Variants in IGF2BP1 observed in about 807,000 individuals in gnomAD.
IGF2BP1 encodes insulin-like growth factor 2 mRNA-binding protein 1.
In IGF2BP1, 11 loss-of-function variants were observed where a neutral mutation model predicts 74.9. The observed-to-expected ratio is 0.15, with a 90% CI of 0.09 to 0.24. IGF2BP1 has a LOEUF of 0.24. Among genes scored for constraint, IGF2BP1 ranks in the 10% least tolerant of loss-of-function variants. The pLI is 1.00. For missense variants in IGF2BP1, 440 were observed against 757.4 expected (o/e 0.58, Z 4.92); for synonymous variants, 287 against 281.8 (o/e 1.02, Z -0.18).
intron 2 of IGF2BP1, among the ~76,000 whole-genome samples, chr17:49,018,653 G>C (rs943627080): frequency 5.4e-5 from 8 of 148,004 alleles, no homozygotes; most frequent in African/African-American, 2.0e-4. Flanking sequence ...AATAGGAACT[G>C]TTTCAAAAAA....
Position 49,045,943 on chromosome 17 carries a change from G to C in IGF2BP1, c.1449G>C (p.Lys483Asn). 6.2e-7 allele frequency: 1 copy of C among 1,614,178 alleles called. No individual in the cohort carries two copies. The highest frequency in any genetic ancestry group is 8.5e-7 in the Non-Finnish European group (1 of 1,180,002). Residue 483 changes from lysine to asparagine, a missense_variant, in exon 13 of 15, where the codon AAG becomes AAC. Transcript: ENST00000290341. ...KLKEENFFGP[K>N]EEVKLETHIR... Reference sequence around the variant, plus strand: ...AGGAGGAGAACTTCTTTGGTCCCAAGGAGGAAGTGAAGCTGGAGACCCACA... The same window carrying C: ...AGGAGGAGAACTTCTTTGGTCCCAACGAGGAAGTGAAGCTGGAGACCCACA...
intron 5 of IGF2BP1, 36 bp downstream of exon 5, chr17:49,032,009 G>T (rs541664390): frequency 3.5e-5 from 53 of 1,521,240 alleles, no homozygotes; most frequent in African/African-American, 1.4e-4. Flanking sequence ...GGTGCGGTGG[G>T]GGGGGGTTCT....
intron 13 of IGF2BP1, 35 bp downstream of exon 13, chr17:49,046,056 C>CT (rs1454101795): frequency 1.2e-6 from 2 of 1,609,598 alleles, no homozygotes; most frequent in Non-Finnish European, 1.7e-6. Flanking sequence ...AGCCCTGGGC[C>CT]TTGGTCTCCA....
In IGF2BP1 at chr17:49,052,853, A is replaced by G. The variant is rs537379628; in HGVS notation, c.*3409A>G. On this transcript the variant is annotated 3_prime_UTR_variant, in exon 15 of 15. Coordinates refer to ENST00000290341, the MANE Select transcript of IGF2BP1 (RefSeq NM_006546.4). ...ATATGTGTGTGTGTGTGCTACATAT[A>G]TATTTTTAAGAAAGGACCATCTCTT... is the stretch of plus-strand genomic sequence containing the variant. 5.3e-4 allele frequency: 81 copies of G among 152,720 alleles called. No individual in the cohort carries two copies. Among genetic ancestry groups the G allele is most frequent in the Admixed American group, 5.1e-3 (78 of 15,312 alleles). 9.5% of individuals were successfully genotyped at this position (152,720 alleles called of 1,614,324 possible). A position where few individuals can be genotyped will look rare whatever the true frequency, so the allele number is the denominator to read the frequency against.
intron 5 of IGF2BP1, among the ~76,000 whole-genome samples, chr17:49,033,796 A>G (rs961691908): frequency 6.6e-6 from 1 of 151,894 alleles, no homozygotes; most frequent in African/African-American, 2.4e-5. Context: ...TCCAATTCCT[A>G]TGTCTTTGCC....
At position 49,055,055 on chromosome 17, in the gene IGF2BP1, C is replaced by G. The variant is rs1395656015; in HGVS notation, c.*5611C>G. On this transcript the variant is annotated 3_prime_UTR_variant, in exon 15 of 15. Coordinates refer to ENST00000290341, the MANE Select transcript of IGF2BP1 (RefSeq NM_006546.4). ...ATAGATAAATTAGGTAGTGGCAGCTCCACTTGCTTAGGTTAGGGGGGGAAA... is the reference window on the plus strand; with the variant it reads ...ATAGATAAATTAGGTAGTGGCAGCTGCACTTGCTTAGGTTAGGGGGGGAAA... 2 of 148,340 alleles carry G rather than the reference C, an allele frequency of 1.3e-5. No homozygotes were observed. Among genetic ancestry groups the G allele is most frequent in the East Asian group, 4.0e-4 (2 of 5,004 alleles). 9.2% of individuals were successfully genotyped at this position (148,340 alleles called of 1,614,324 possible).
chr17:49,032,712 C>T (rs1173536168), intron 5 of IGF2BP1, among the ~76,000 whole-genome samples: 1 of 152,186 alleles, frequency 6.6e-6, no homozygotes, highest in Non-Finnish European at 1.5e-5. Flanking sequence ...TTAGATACCT[C>T]CTGGGCTCAG....
At chr17:49,024,618 CTG>C (rs900974587) in intron 2 of IGF2BP1, among the ~76,000 whole-genome samples, 1 of 152,138 alleles carries the variant, frequency 6.6e-6, no homozygotes, top group African/African-American at 2.4e-5. Context: ...GGTATTATCT[CTG>C]TTTTACGTAG....
intron 4 of IGF2BP1, among the ~76,000 whole-genome samples, chr17:49,027,676 C>T (rs2041873824): frequency 6.6e-6 from 1 of 151,034 alleles, no homozygotes; most frequent in Admixed American, 6.6e-5. Context: ...CACGGTGAAA[C>T]CCTGTCTCTA....
chr17:48,999,641 C>T (rs931652887), intron 2 of IGF2BP1, among the ~76,000 whole-genome samples: 4 of 151,950 alleles, frequency 2.6e-5, no homozygotes, highest in African/African-American at 9.7e-5. Context: ...GTTTCCCGGC[C>T]CCCAAAGAAT....
At chr17:49,027,736 C>T (rs918094869) in intron 4 of IGF2BP1, among the ~76,000 whole-genome samples, 12 of 151,444 alleles carry the variant, frequency 7.9e-5, no homozygotes, top group African/African-American at 2.9e-4. Context: ...CCTGTAATCC[C>T]AGCTACTTGG....
chr17:49,016,806 CCT>C (rs1391821458), intron 2 of IGF2BP1, among the ~76,000 whole-genome samples: 5 of 132,306 alleles, frequency 3.8e-5, no homozygotes, highest in Admixed American at 1.5e-4. Context: ...CGCCCGCCCC[CCT>C]GTCCTCCTGC....
rs543995541 is a variant in IGF2BP1 at position 49,037,504 on chromosome 17, A to G, written c.402-664A>G. ...TCATTTATAGTATAAATTTCCTTAA[A>G]TAATGGACTCAAGAATGTGTGTTTG... On this transcript the variant is annotated intron_variant, in intron 5 of 14. Transcript: ENST00000290341. 4.7e-5 allele frequency: 10 copies of G among 211,380 alleles called. No individual in the cohort carries two copies. In the East Asian group the frequency reaches 1.2e-3, roughly 25 times the overall value. The allele number at this position is 211,380 out of a possible 1,614,324, so 13.1% of individuals were successfully genotyped here.
At chr17:49,031,772 G>A in intron 4 of IGF2BP1, 138 bp from the exon 5 acceptor site, 1 of 765,042 alleles carries the variant, frequency 1.3e-6, no homozygotes, top group Non-Finnish European at 2.2e-6. Flanking sequence ...AAGATGCTAG[G>A]ATTTGCAGTT....
chr17:49,029,920 G>A (rs971252935), intron 4 of IGF2BP1, among the ~76,000 whole-genome samples: 2 of 150,602 alleles, frequency 1.3e-5, no homozygotes, highest in Admixed American at 6.7e-5. Flanking sequence ...TTTAATAATT[G>A]TAAGTGAGAA....
chr17:49,010,319 T>TC (rs1567810998), intron 2 of IGF2BP1, among the ~76,000 whole-genome samples: 1 of 145,216 alleles, frequency 6.9e-6, no homozygotes, highest in African/African-American at 2.6e-5. Context: ...TCATCTTTTT[T>TC]TTTTTTTTTT....
chr17:49,026,392 A>C, intron 3 of IGF2BP1, 74 bp from the exon 4 acceptor site: 2 of 1,315,348 alleles, frequency 1.5e-6, no homozygotes, highest in Non-Finnish European at 2.2e-6. Flanking sequence ...TTTGGGATGC[A>C]GGGTGTCCAG....
At chr17:49,045,686 G>T (rs1033119185) in intron 12 of IGF2BP1, among the ~76,000 whole-genome samples, 1 of 152,168 alleles carries the variant, frequency 6.6e-6, no homozygotes, top group Non-Finnish European at 1.5e-5. Context: ...TCCACCCAGG[G>T]TCTCCAGTAT....
chr17:49,019,937 TA>T (rs1567815795), intron 2 of IGF2BP1, among the ~76,000 whole-genome samples: 3 of 61,424 alleles, frequency 4.9e-5, no homozygotes, highest in African/African-American at 1.7e-4. Flanking sequence ...TATATATATA[TA>T]TATATATATA....
Sources: allele counts gnomAD v4.1 joint callset (sites outside exome capture counted in the v4.1 genomes callset), GRCh38; gene constraint gnomAD v4.1.1; transcripts MANE v1.5; gene names NCBI Gene and HGNC (gene_info 2026-07-23, HGNC 2026-07-21).